The following CDH11 variants were observed in gnomAD, a reference collection of about 807,000 sequenced individuals.
CDH11 encodes the protein cadherin 11, also known as cadherin-11.
A neutral mutation model predicts 67.8 loss-of-function variants in CDH11; 11 were observed. That is an observed-to-expected ratio of 0.16 (90% confidence interval 0.10 to 0.27). The LOEUF (loss-of-function observed/expected upper bound fraction) is 0.27, where lower values mean the gene tolerates loss of function less well. CDH11 is among the 10% of genes least tolerant of loss of function. The probability of loss-of-function intolerance (pLI) is 1.00; values close to 1 mark genes in which losing one functional copy is unlikely to be tolerated. For missense variants in CDH11, 847 were observed against 1,031.2 expected (o/e 0.82, Z 2.45); for synonymous variants, 419 against 400.0 (o/e 1.05, Z -0.57).
At chr16:64,949,507 A>G (rs184513244) in intron 12 of CDH11, among the ~76,000 whole-genome samples, 1 of 148,684 alleles carries the variant, frequency 6.7e-6, no homozygotes, top group Admixed American at 6.8e-5. Flanking sequence ...GCTCACCGCA[A>G]CCTTTGCCTC....
chr16:65,039,458 G>A (rs1212154175), intron 2 of CDH11, among the ~76,000 whole-genome samples: 1 of 152,110 alleles, frequency 6.6e-6, no homozygotes, highest in African/African-American at 2.4e-5. Flanking sequence ...CAAGAAATGG[G>A]GGAAGGATTC....
In CDH11 at chr16:64,954,072, T is replaced by C. The variant is rs115423164; in HGVS notation, c.1643-3054A>G. Among the ~76,000 whole-genome samples, 815 of 152,324 alleles carry C rather than the reference T, an allele frequency of 5.4e-3. 10 individuals are homozygous for C. Among genetic ancestry groups the C allele is most frequent in the African/African-American group, 0.019 (772 of 41,562 alleles). The stretch of plus-strand genomic sequence containing the variant: ...CAGGTTGGGTTATGGAGGAAGGTAA[T>C]TGAAACTCAAACACCAATGGAAAAC... On this transcript the variant is annotated intron_variant, in intron 11 of 12. Transcript: ENST00000268603.
intron 2 of CDH11, among the ~76,000 whole-genome samples, chr16:65,038,404 A>G (rs2073796223): frequency 6.6e-6 from 1 of 151,956 alleles, no homozygotes; most frequent in African/African-American, 2.4e-5. Context: ...TGAGAATTTG[A>G]CCCATTATTT....
At chr16:65,087,392 G>A (rs1317224600) in intron 1 of CDH11, among the ~76,000 whole-genome samples, 1 of 152,158 alleles carries the variant, frequency 6.6e-6, no homozygotes, top group African/African-American at 2.4e-5. Flanking sequence ...TAGGAAACAT[G>A]TTTACTTCCT....
intron 11 of CDH11, 42 bp downstream of exon 11, chr16:64,971,537 C>T (rs376455105): frequency 4.3e-5 from 50 of 1,163,574 alleles, no homozygotes; most frequent in Non-Finnish European, 5.8e-5. Context: ...CATTTGTTTT[C>T]CAGTTCTACT....
At chr16:65,107,871 G>A (rs953946940) in intron 1 of CDH11, among the ~76,000 whole-genome samples, 6 of 152,132 alleles carry the variant, frequency 3.9e-5, no homozygotes, top group Non-Finnish European at 8.8e-5. Context: ...CTTTACAGAT[G>A]AGGAAACTGA....
At chr16:64,978,726 T>C (rs1411937170) in intron 8 of CDH11, among the ~76,000 whole-genome samples, 1 of 152,210 alleles carries the variant, frequency 6.6e-6, no homozygotes, top group Non-Finnish European at 1.5e-5. Context: ...AATAATTGGA[T>C]ATGCACATGC....
chr16:65,001,683 T>C (rs917211695), intron 3 of CDH11, among the ~76,000 whole-genome samples: 1 of 152,164 alleles, frequency 6.6e-6, no homozygotes, highest in South Asian at 2.1e-4. Flanking sequence ...TTTTCTACTT[T>C]GTTTTCAGGT....
chr16:64,967,541 A>G (rs2071873908), intron 11 of CDH11, among the ~76,000 whole-genome samples: 1 of 152,206 alleles, frequency 6.6e-6, no homozygotes, highest in African/African-American at 2.4e-5. Flanking sequence ...TGTGGAAAAC[A>G]ATGTACGTAC....
At chr16:65,116,876 C>G (rs2075254111) in intron 1 of CDH11, among the ~76,000 whole-genome samples, 1 of 152,160 alleles carries the variant, frequency 6.6e-6, no homozygotes, top group Non-Finnish European at 1.5e-5. Flanking sequence ...TCACATTCCT[C>G]TCACTTAATA....
At chr16:65,008,536 A>G (rs1370861539) in intron 2 of CDH11, among the ~76,000 whole-genome samples, 2 of 152,204 alleles carry the variant, frequency 1.3e-5, no homozygotes, top group Admixed American at 6.5e-5. Context: ...TAACTCATCT[A>G]TTAATTTCTA....
chr16:64,998,379 A>G (rs576086543), intron 4 of CDH11, among the ~76,000 whole-genome samples, 183 bp downstream of exon 4: 1 of 152,370 alleles, frequency 6.6e-6, no homozygotes, highest in East Asian at 1.9e-4. Flanking sequence ...CTCTATTCCT[A>G]CAAGACTAGA....
At chr16:64,957,264 T>C (rs762425268) in intron 11 of CDH11, among the ~76,000 whole-genome samples, 6 of 152,076 alleles carry the variant, frequency 3.9e-5, no homozygotes, top group Non-Finnish European at 8.8e-5. Context: ...AGACATTCTA[T>C]CTTATGAAAA....
At chr16:65,117,224 C>T (rs1040197188) in intron 1 of CDH11, among the ~76,000 whole-genome samples, 4 of 152,182 alleles carry the variant, frequency 2.6e-5, no homozygotes, top group Admixed American at 2.0e-4. Flanking sequence ...CGCATTCCAA[C>T]ACAGCTCAGA....
intron 1 of CDH11, among the ~76,000 whole-genome samples, chr16:65,058,261 C>T (rs1383028390): frequency 1.3e-5 from 2 of 152,068 alleles, no homozygotes; most frequent in Non-Finnish European, 2.9e-5. Flanking sequence ...AAAAAGCCAC[C>T]ACAATGGGAT....
intron 1 of CDH11, among the ~76,000 whole-genome samples, chr16:65,090,577 G>A (rs567827693): frequency 7.2e-5 from 11 of 152,152 alleles, no homozygotes; most frequent in Non-Finnish European, 1.5e-4. Context: ...ATTATACTGC[G>A]GTCCTTTTTA....
chr16:64,948,778 C>G (rs183674660), intron 12 of CDH11: 2 of 1,596,376 alleles, frequency 1.3e-6, no homozygotes, highest in Non-Finnish European at 8.5e-7. Context: ...TTCCATTAAG[C>G]TTGGGCAACC....
intron 11 of CDH11, among the ~76,000 whole-genome samples, chr16:64,971,138 C>A (rs931331324): frequency 2.0e-5 from 3 of 152,134 alleles, no homozygotes; most frequent in African/African-American, 7.2e-5. Context: ...AGCTCTGTAC[C>A]CAGCCACACT....
intron 2 of CDH11, among the ~76,000 whole-genome samples, chr16:65,030,845 G>C (rs1376493648): frequency 6.6e-6 from 1 of 152,182 alleles, no homozygotes; most frequent in African/African-American, 2.4e-5. Context: ...TTAGAGGTGT[G>C]AGCCACTATG....
Sources: allele counts gnomAD v4.1 joint callset (sites outside exome capture counted in the v4.1 genomes callset), GRCh38; gene constraint gnomAD v4.1.1; transcripts MANE v1.5; gene names NCBI Gene and HGNC (gene_info 2026-07-23, HGNC 2026-07-21).